FMN2: variants seen among roughly 807,000 people sequenced by gnomAD.
FMN2 encodes formin 2, also known as formin-2.
Under a neutral mutation model 142.3 loss-of-function variants are expected in FMN2, and 51 were observed. The observed-to-expected ratio is 0.36, with a 90% CI of 0.29 to 0.45. The LOEUF (loss-of-function observed/expected upper bound fraction) is 0.45, where lower values mean the gene tolerates loss of function less well. Among genes scored for constraint, FMN2 ranks in the 20% least tolerant of loss-of-function variants. FMN2 has a pLI of 1.00. For synonymous variants in FMN2, 882 were observed against 869.8 expected, an observed-to-expected ratio of 1.01 and a Z score of -0.25; for missense variants, 1,936 against 2,122.8, an observed-to-expected ratio of 0.91 and a Z score of 1.73.
At chr1:240,341,481 A>T in intron 13 of FMN2, 1 of 152,152 alleles carries the variant, frequency 6.6e-6, no homozygotes, top group East Asian at 1.9e-4. Context: ...GTCTTTAAAA[A>T]AAAAAAAGTC....
At chr1:240,372,228 T>A (rs1672892521) in intron 14 of FMN2, among the ~76,000 whole-genome samples, 1 of 152,104 alleles carries the variant, frequency 6.6e-6, no homozygotes, top group Admixed American at 6.6e-5. Context: ...AGAGAGAGAC[T>A]CCATCTCAAA....
In FMN2 at chr1:240,322,065, T is replaced by C. The variant is rs539015811; in HGVS notation, c.4216-7011T>C. ...TATCACAGCTTTCCCTAGCCACCCT[T>C]AGCCTACAGTTGGACAAAATCATGT... On this transcript the variant is annotated intron_variant, in intron 8 of 17. Coordinates refer to ENST00000319653, the MANE Select transcript of FMN2 (RefSeq NM_020066.5). Among the ~76,000 whole-genome samples the C allele has an allele frequency of 4.1e-4, 63 of 152,258 alleles. 1 individual carries two copies. Among genetic ancestry groups the C allele is most frequent in the African/African-American group, 1.3e-3 (53 of 41,536 alleles).
Position 240,102,682 on chromosome 1 carries a change from A to G in FMN2, c.1615+8958A>G, listed in dbSNP as rs114016964. Among the ~76,000 whole-genome samples the G allele has an allele frequency of 4.8e-3, 736 of 152,158 alleles. 4 individuals carry two copies. The highest frequency in any genetic ancestry group is 5.7e-3 in the Non-Finnish European group (390 of 68,006). On this transcript the variant is annotated intron_variant, in intron 1 of 17. Transcript: ENST00000319653. ...ATCCTTGCAGTTTCTTTCAGGGTAT[A>G]GGGATTGATCTGTCTCTGTTCAATT...
intron 2 of FMN2, among the ~76,000 whole-genome samples, chr1:240,132,138 A>G (rs1662767145): frequency 6.6e-6 from 1 of 152,206 alleles, no homozygotes; most frequent in Non-Finnish European, 1.5e-5. Context: ...GGGATACTGT[A>G]CTAAAGAGTT....
intron 16 of FMN2, among the ~76,000 whole-genome samples, chr1:240,443,760 A>G (rs1394180552): frequency 6.6e-6 from 1 of 152,144 alleles, no homozygotes; most frequent in Non-Finnish European, 1.5e-5. Context: ...CTCAAAAAAA[A>G]AAATTTTTTT....
Position 240,158,448 on chromosome 1 carries a change from C to T in FMN2, c.1783-19473C>T, listed in dbSNP as rs186021307. On this transcript the variant is annotated intron_variant, in intron 2 of 17. Coordinates refer to ENST00000319653, the MANE Select transcript of FMN2 (RefSeq NM_020066.5). Reference sequence around the variant, plus strand: ...CCACAAGGTTGGCTAGATATGTTTCCTCTCTAATGTATGATTAGGAAAGAG... The same window carrying T: ...CCACAAGGTTGGCTAGATATGTTTCTTCTCTAATGTATGATTAGGAAAGAG... 1.9e-3 allele frequency among the ~76,000 whole-genome samples: 282 copies of T among 152,234 alleles called. 3 individuals carry two copies. The highest frequency in any genetic ancestry group is 3.0e-3 in the Non-Finnish European group (202 of 68,008).
intron 3 of FMN2, 83 bp downstream of exon 3, chr1:240,178,151 A>C (rs2103324112): frequency 7.4e-7 from 1 of 1,353,990 alleles, no homozygotes; most frequent in East Asian, 2.7e-5. Flanking sequence ...AGTTTTAAGT[A>C]ATCTTTTATT....
intron 2 of FMN2, among the ~76,000 whole-genome samples, chr1:240,168,124 C>A (rs1664554449): frequency 6.6e-6 from 1 of 152,114 alleles, no homozygotes; most frequent in South Asian, 2.1e-4. Flanking sequence ...TATTGTTTTT[C>A]TTATCTTCCC....
chr1:240,416,835 G>T (rs1674594780), intron 15 of FMN2, among the ~76,000 whole-genome samples: 1 of 149,022 alleles, frequency 6.7e-6, no homozygotes, highest in African/African-American at 2.5e-5. Context: ...TCTTATTTCT[G>T]CATCCTGTCT....
intron 15 of FMN2, among the ~76,000 whole-genome samples, chr1:240,416,122 C>G (rs189576793): frequency 6.6e-6 from 1 of 152,276 alleles, no homozygotes; most frequent in Admixed American, 6.5e-5. Flanking sequence ...CTCCTCCCAT[C>G]AGTATCTCAT....
chr1:240,250,808 A>C (rs1558393458), intron 6 of FMN2, among the ~76,000 whole-genome samples: 1 of 152,052 alleles, frequency 6.6e-6, no homozygotes, highest in Non-Finnish European at 1.5e-5. Context: ...TCCTGATTCA[A>C]TCTTGGTAGA....
intron 2 of FMN2, among the ~76,000 whole-genome samples, chr1:240,142,163 C>T (rs761516065): frequency 5.3e-5 from 8 of 152,046 alleles, no homozygotes; most frequent in East Asian, 1.9e-4. Context: ...AGGAGTACGG[C>T]GGCTTCATTG....
chr1:240,207,561 G>T lies in FMN2; in HGVS notation c.2749G>T (p.Gly917Ter). 1 of 1,596,834 alleles carries T rather than the reference G, an allele frequency of 6.3e-7. No homozygotes were observed. Among genetic ancestry groups the T allele is most frequent in the Non-Finnish European group, 8.5e-7 (1 of 1,176,204 alleles). Residue 917 changes from glycine (G) to a stop codon, truncating the protein, a stop_gained, in exon 5 of 18, where the codon GGA becomes TGA. Transcript: ENST00000319653. LOFTEE classifies it high-confidence loss of function. ...GCCACCCCCTCCCCCTCCTCTTCCC[G>T]GAGCGGGCATACCTCCTCCGCCGCC... ...MLPPPPPPLP[G>*]AGIPPPPPLP...
intron 16 of FMN2, among the ~76,000 whole-genome samples, chr1:240,445,844 G>A (rs1675790329): frequency 6.6e-6 from 1 of 151,940 alleles, no homozygotes; most frequent in Admixed American, 6.6e-5. Flanking sequence ...TGACCTAATT[G>A]AGAGCTAGGA....
intron 13 of FMN2, among the ~76,000 whole-genome samples, chr1:240,337,173 C>G (rs1572207353): frequency 7.1e-6 from 1 of 140,630 alleles, no homozygotes; most frequent in Non-Finnish European, 1.6e-5. Flanking sequence ...CTACTTTGAT[C>G]AAAGTAGCCT....
rs1669142522 is a variant in FMN2 at position 240,274,948 on chromosome 1, G to T, written c.4153+16916G>T. Reference sequence around the variant, plus strand: ...TCCAGGTCAGACTTTGTTTGCTTGAGAGAGAATGGAAAGACAGTGATTTGG... The same window carrying T: ...TCCAGGTCAGACTTTGTTTGCTTGATAGAGAATGGAAAGACAGTGATTTGG... On this transcript the variant is annotated intron_variant, in intron 7 of 17. Transcript: ENST00000319653. Among the ~76,000 whole-genome samples, 5 of 152,224 alleles carry T rather than the reference G, an allele frequency of 3.3e-5. No homozygotes were observed. The South Asian group carries it at 1.0e-3, about 32-fold the overall frequency.
At chr1:240,157,633 A>C (rs1439416025) in intron 2 of FMN2, among the ~76,000 whole-genome samples, 1 of 152,114 alleles carries the variant, frequency 6.6e-6, no homozygotes, top group Non-Finnish European at 1.5e-5. Flanking sequence ...GAAGGAAAGA[A>C]GCAATATTAA....
At chr1:240,196,929 T>C (rs1326892527) in intron 4 of FMN2, among the ~76,000 whole-genome samples, 1 of 152,190 alleles carries the variant, frequency 6.6e-6, no homozygotes, top group South Asian at 2.1e-4. Flanking sequence ...ATGCTTGATA[T>C]TATGAAACAT....
At chr1:240,188,523 C>T (rs1217290184) in intron 4 of FMN2, among the ~76,000 whole-genome samples, 2 of 152,148 alleles carry the variant, frequency 1.3e-5, no homozygotes, top group Admixed American at 1.3e-4. Flanking sequence ...GAGTTGGGCC[C>T]AATAACAGCG....
Sources: allele counts gnomAD v4.1 joint callset (sites outside exome capture counted in the v4.1 genomes callset), GRCh38; gene constraint gnomAD v4.1.1; transcripts MANE v1.5; gene names NCBI Gene and HGNC (gene_info 2026-07-23, HGNC 2026-07-21).